Variants in SUSD4 observed in about 807,000 individuals in gnomAD.
The protein encoded by SUSD4 is sushi domain containing 4, also known as sushi domain-containing protein 4.
In SUSD4, 41 loss-of-function variants were observed where a neutral mutation model predicts 50.5. The ratio of observed to expected loss-of-function variants is 0.81; its 90% CI spans 0.63 to 1.05. The LOEUF is 1.05. SUSD4 is among the 50% of genes least tolerant of loss of function. The probability of loss-of-function intolerance (pLI) is 0.00; values close to 1 mark genes in which losing one functional copy is unlikely to be tolerated. For missense variants in SUSD4, 580 were observed against 634.7 expected (o/e 0.91, Z 0.93); for synonymous variants, 257 against 257.3 (o/e 1.00, Z 0.01).
At chr1:223,360,300 T>C (rs1304045817) in intron 2 of SUSD4, 1 of 466,394 alleles carries the variant, frequency 2.1e-6, no homozygotes, top group Non-Finnish European at 4.4e-6. Context: ...AGCAGGTCTC[T>C]GGTCAAGTGT....
At chr1:223,313,100 C>T (rs1016054839) in intron 2 of SUSD4, among the ~76,000 whole-genome samples, 1 of 152,174 alleles carries the variant, frequency 6.6e-6, no homozygotes, top group Non-Finnish European at 1.5e-5. Flanking sequence ...AGTTTATGCT[C>T]ACAAGGTGAC....
chr1:223,316,462 G>A (rs1666196719), intron 2 of SUSD4, among the ~76,000 whole-genome samples: 1 of 152,118 alleles, frequency 6.6e-6, no homozygotes, highest in Non-Finnish European at 1.5e-5. Context: ...GGAACCTGGA[G>A]GAAGGGGGTT....
chr1:223,302,864 T>G (rs573024879), intron 2 of SUSD4, among the ~76,000 whole-genome samples: 2 of 152,122 alleles, frequency 1.3e-5, no homozygotes, highest in East Asian at 1.9e-4. Flanking sequence ...ACTGTGAAAA[T>G]TACAACTAAC....
At chr1:223,290,017 G>T (rs1664383672) in intron 3 of SUSD4, among the ~76,000 whole-genome samples, 1 of 152,196 alleles carries the variant, frequency 6.6e-6, no homozygotes, top group Non-Finnish European at 1.5e-5. Flanking sequence ...TCATCTTATA[G>T]AATTGTTGTG....
intron 2 of SUSD4, among the ~76,000 whole-genome samples, chr1:223,317,552 G>A (rs1207711186): frequency 6.6e-6 from 1 of 152,096 alleles, no homozygotes; most frequent in Non-Finnish European, 1.5e-5. Flanking sequence ...AGGCCTTCAG[G>A]TCAAGCAGCA....
chr1:223,317,675 C>A (rs921166688), intron 2 of SUSD4, among the ~76,000 whole-genome samples: 2 of 151,972 alleles, frequency 1.3e-5, no homozygotes. Context: ...TCTTTGCCAA[C>A]AGTTCATATT....
chr1:223,325,001 G>A (rs1182975261), intron 2 of SUSD4, among the ~76,000 whole-genome samples: 1 of 152,164 alleles, frequency 6.6e-6, no homozygotes, highest in African/African-American at 2.4e-5. Context: ...CAATGCAGTT[G>A]AGATGGGCTT....
At chr1:223,261,117 G>A (rs1341388267) in intron 5 of SUSD4, among the ~76,000 whole-genome samples, 4 of 152,282 alleles carry the variant, frequency 2.6e-5, no homozygotes, top group East Asian at 1.9e-4. Flanking sequence ...CCATGGCCAC[G>A]TGGGAGACTA....
intron 3 of SUSD4, among the ~76,000 whole-genome samples, chr1:223,290,916 C>T (rs1054537206): frequency 1.8e-4 from 28 of 152,016 alleles, no homozygotes; most frequent in African/African-American, 6.5e-4. Flanking sequence ...CACTGGGTAA[C>T]ATAAGCCATA....
At chr1:223,289,454 G>A (rs1025954356) in intron 3 of SUSD4, among the ~76,000 whole-genome samples, 1 of 152,168 alleles carries the variant, frequency 6.6e-6, no homozygotes, top group Non-Finnish European at 1.5e-5. Context: ...AGGATGAGGT[G>A]GGAATAAAAG....
intron 2 of SUSD4, among the ~76,000 whole-genome samples, chr1:223,347,984 C>T (rs1331565603): frequency 6.6e-6 from 1 of 152,040 alleles, no homozygotes; most frequent in African/African-American, 2.4e-5. Flanking sequence ...ATTTCCTCAT[C>T]GGTAATTAAG....
chr1:223,246,772 A>AG (rs1192827369), intron 5 of SUSD4, among the ~76,000 whole-genome samples: 2 of 152,214 alleles, frequency 1.3e-5, no homozygotes, highest in African/African-American at 4.8e-5. Context: ...CAGAGGTGGG[A>AG]GGGGGGCTGA....
At chr1:223,269,142 G>GA (rs984966426) in intron 3 of SUSD4, among the ~76,000 whole-genome samples, 2 of 152,202 alleles carry the variant, frequency 1.3e-5, no homozygotes, top group African/African-American at 2.4e-5. Flanking sequence ...AGCCTGATAA[G>GA]AAAATATGCT....
chr1:223,359,014 C>T (rs900593332), intron 2 of SUSD4: 6 of 470,538 alleles, frequency 1.3e-5, no homozygotes, highest in South Asian at 7.8e-5. Flanking sequence ...AGCACTACAG[C>T]GACATGAACC....
chr1:223,340,077 A>C (rs181761233), intron 2 of SUSD4, among the ~76,000 whole-genome samples: 1 of 152,356 alleles, frequency 6.6e-6, no homozygotes, highest in Admixed American at 6.5e-5. Flanking sequence ...AGCTGCTCCA[A>C]TCGCATTCCC....
chr1:223,264,825 A>G lies in SUSD4; in HGVS notation c.536-7T>C, dbSNP rs1332704222. ...GCTAGAGGTCTCAGGCAGCCTGTGG[A>G]AGGTGAAAGAAAAAGGGAAAGATTC... On this transcript the variant is annotated splice_region_variant and splice_polypyrimidine_tract_variant and intron_variant, in intron 4 of 8. Coordinates refer to ENST00000366878, the MANE Select transcript of SUSD4 (RefSeq NM_017982.4). The G allele has an allele frequency of 4.3e-6, 7 of 1,610,424 alleles. No individual in the cohort carries two copies. The highest frequency in any genetic ancestry group is 3.4e-6 in the Non-Finnish European group (4 of 1,177,914).
In SUSD4 at chr1:223,246,019, GAA is replaced by G. The variant is rs1660900491; in HGVS notation, c.725-16633_725-16632del. Reference sequence around the variant, plus strand: ...CATCCAGGTCAGTTAGGCAGCCAGAGAAAGAGTCTGGGATAAATGCAGAACTC... The same window carrying G: ...CATCCAGGTCAGTTAGGCAGCCAGAGAGAGTCTGGGATAAATGCAGAACTC... On this transcript the variant is annotated intron_variant, in intron 5 of 8. Transcript: ENST00000366878. Among the ~76,000 whole-genome samples, 3 of 152,288 alleles carry G rather than the reference GAA, an allele frequency of 2.0e-5. No homozygotes were observed. The East Asian group carries it at 5.8e-4, about 29-fold the overall frequency.
In SUSD4 at chr1:223,229,491, C is replaced by A; in HGVS notation, c.725-103G>T. On this transcript the variant is annotated intron_variant, in intron 5 of 8. Coordinates refer to ENST00000366878, the MANE Select transcript of SUSD4 (RefSeq NM_017982.4). This position sits in a 1 kb window ranked among gnomAD's most constrained non-coding sequence, Gnocchi z 4.7. ...CTAGGAGAACTCAGTTAAAAATGTG[C>A]TTATGGATTAATCACCAGGCTACTG... 8.9e-7 allele frequency: 1 copy of A among 1,117,752 alleles called. No individual in the cohort carries two copies. Among genetic ancestry groups the A allele is most frequent in the Non-Finnish European group, 1.2e-6 (1 of 812,204 alleles). The allele number at this position is 1,117,752 out of a possible 1,614,324, so 69.2% of individuals were successfully genotyped here. A position where few individuals can be genotyped will look rare whatever the true frequency, so the allele number is the denominator to read the frequency against.
intron 3 of SUSD4, among the ~76,000 whole-genome samples, chr1:223,277,012 G>A (rs1406471194): frequency 6.6e-6 from 1 of 152,126 alleles, no homozygotes; most frequent in African/African-American, 2.4e-5. Context: ...CTGGAAACAT[G>A]AGTATGACCA....
Sources: gnomAD v4.1 joint callset for allele counts (sites outside exome capture counted in the v4.1 genomes callset) on GRCh38, gnomAD v4.1.1 for gene constraint, Gnocchi (gnomAD v3.1) non-coding constraint, MANE v1.5 for transcripts, NCBI Gene and HGNC (gene_info 2026-07-23, HGNC 2026-07-21) for gene names.